FAM107A: variants seen among roughly 807,000 people sequenced by gnomAD.
FAM107A encodes the protein actin-associated protein FAM107A.
A neutral mutation model predicts 13.7 loss-of-function variants in FAM107A; 19 were observed. The observed-to-expected ratio is 1.38, with a 90% CI of 0.97 to 2.03. The LOEUF is 2.03. FAM107A is among the 30% of genes most tolerant of loss of function. The probability of loss-of-function intolerance (pLI) is 0.00; values close to 1 mark genes in which losing one functional copy is unlikely to be tolerated. For synonymous variants in FAM107A, 82 were observed against 74.5 expected (o/e 1.10, Z -0.52); for missense variants, 203 against 184.4 (o/e 1.10, Z -0.58).
At chr3:58,599,997 G>A (rs972613462) in intron 1 of FAM107A, among the ~76,000 whole-genome samples, 20 of 151,804 alleles carry the variant, frequency 1.3e-4, no homozygotes, top group Non-Finnish European at 2.4e-4. Context: ...TTAAATATGC[G>A]TGTTATTCTT....
chr3:58,595,652 CG>C (rs1360609740), intron 1 of FAM107A, among the ~76,000 whole-genome samples: 1 of 152,170 alleles, frequency 6.6e-6, no homozygotes, highest in East Asian at 1.9e-4. Flanking sequence ...ACTCTCTTTT[CG>C]GACTCAGCCC....
chr3:58,581,458 C>T (rs576999957), upstream of FAM107A, among the ~76,000 whole-genome samples: 2 of 152,184 alleles, frequency 1.3e-5, no homozygotes, highest in African/African-American at 2.4e-5. Flanking sequence ...TCTGGGCCCA[C>T]GAACATCAAA....
chr3:58,619,254 G>C (rs143321524), intron 1 of FAM107A, among the ~76,000 whole-genome samples: 1,934 of 152,216 alleles, frequency 0.013, 36 homozygotes, highest in African/African-American at 0.04. Context: ...TCCCTCCTTG[G>C]CCTCCCAAAC....
At chr3:58,595,640 T>C (rs1575449738) in intron 1 of FAM107A, among the ~76,000 whole-genome samples, 1 of 152,210 alleles carries the variant, frequency 6.6e-6, no homozygotes, top group East Asian at 1.9e-4. Flanking sequence ...CACCCTTTGC[T>C]GACTCTCTTT....
At chr3:58,598,950 CT>C (rs1028232844) in intron 1 of FAM107A, among the ~76,000 whole-genome samples, 6 of 151,106 alleles carry the variant, frequency 4.0e-5, no homozygotes, top group Non-Finnish European at 7.4e-5. Flanking sequence ...TTTTCTTTTT[CT>C]TTTTTTTGAG....
chr3:58,614,749 C>T (rs1289418306), intron 1 of FAM107A, among the ~76,000 whole-genome samples: 1 of 152,114 alleles, frequency 6.6e-6, no homozygotes, highest in African/African-American at 2.4e-5. Context: ...AAGTGATCCA[C>T]CCACCTTGGC....
At chr3:58,598,691 C>A (rs1329615201) in intron 1 of FAM107A, among the ~76,000 whole-genome samples, 1 of 152,212 alleles carries the variant, frequency 6.6e-6, no homozygotes, top group Non-Finnish European at 1.5e-5. Flanking sequence ...ACTGTCCCAG[C>A]CATGCCCCAA....
chr3:58,610,345 A>AC (rs2065841566), intron 1 of FAM107A, among the ~76,000 whole-genome samples: 2 of 152,018 alleles, frequency 1.3e-5, no homozygotes, highest in Admixed American at 6.6e-5. Flanking sequence ...CGGACCCCTT[A>AC]CCCCCATCCA....
intron 1 of FAM107A, among the ~76,000 whole-genome samples, chr3:58,595,172 C>T (rs1187391653): frequency 1.3e-5 from 2 of 152,044 alleles, no homozygotes; most frequent in African/African-American, 4.8e-5. Context: ...AGAAACATCG[C>T]CCATTATCTC....
upstream of FAM107A, among the ~76,000 whole-genome samples, chr3:58,587,265 T>G (rs998086883): frequency 3.3e-5 from 5 of 152,322 alleles, no homozygotes; most frequent in African/African-American, 1.2e-4. Context: ...CCACCTACTC[T>G]TCTGCTTTCT....
At chr3:58,615,207 C>T (rs1408675349) in intron 1 of FAM107A, among the ~76,000 whole-genome samples, 1 of 152,218 alleles carries the variant, frequency 6.6e-6, no homozygotes, top group Non-Finnish European at 1.5e-5. Flanking sequence ...TTTTGGCCAT[C>T]TTCAATATCA....
At chr3:58,570,909 T>C (rs2063677294) in intron 1 of FAM107A, among the ~76,000 whole-genome samples, 1 of 152,242 alleles carries the variant, frequency 6.6e-6, no homozygotes, top group Non-Finnish European at 1.5e-5. Flanking sequence ...CCCGGTGGCA[T>C]GTGATTTTCA....
At chr3:58,588,061 G>A (rs190891733), upstream of FAM107A, among the ~76,000 whole-genome samples, 5 of 152,198 alleles carry the variant, frequency 3.3e-5, no homozygotes, top group Admixed American at 6.5e-5. Context: ...TCATTCACTC[G>A]TCACAACAGC....
intron 1 of FAM107A, among the ~76,000 whole-genome samples, chr3:58,603,139 G>A (rs887604756): frequency 5.3e-5 from 8 of 152,140 alleles, no homozygotes; most frequent in African/African-American, 1.9e-4. Flanking sequence ...GGAAATAAAG[G>A]AAGTTGATAA....
chr3:58,569,744 C>T lies in FAM107A; in HGVS notation c.117G>A (p.Lys39=), dbSNP rs148188719. 76 of 1,614,120 alleles carry T rather than the reference C, an allele frequency of 4.7e-5. No homozygotes were observed. The African/African-American group carries it at 8.9e-4, about 19-fold the overall frequency. Residue 39 remains lysine (K), a synonymous_variant, in exon 2 of 4, where the codon AAG becomes AAA. Transcript: ENST00000360997. This position sits in a 1 kb window ranked among gnomAD's most constrained non-coding sequence, Gnocchi z 5.7. The part of the protein sequence containing the change: ...IKPKKLLNPV[K]ASRSHQELHR... ...GGAGCTCCTGGTGACTCCGAGAGGC[C>T]TTCACGGGGTTCAGCAGCTTCTTGG... is the stretch of plus-strand genomic sequence containing the variant.
chr3:58,619,331 A>ACCC (rs2065931957), intron 1 of FAM107A, among the ~76,000 whole-genome samples: 3 of 152,126 alleles, frequency 2.0e-5, no homozygotes, highest in African/African-American at 7.2e-5. Flanking sequence ...AGAGGAGAGG[A>ACCC]TGGCATGGCA....
chr3:58,569,920 C>A lies in FAM107A; in HGVS notation c.-5-55G>T, dbSNP rs1211570706. The A allele has an allele frequency of 6.4e-7, 1 of 1,550,586 alleles. No individual in the cohort carries two copies. The highest frequency in any genetic ancestry group is 1.9e-5 in the Admixed American group (1 of 53,508). On this transcript the variant is annotated intron_variant, in intron 1 of 3. Transcript: ENST00000360997. This position sits in a 1 kb window ranked among gnomAD's most constrained non-coding sequence, Gnocchi z 5.7. ...AGCTGAGCCTATAATCTCACCCTGCCCCATGGGACACAGTTGAAGGGCAAG... is the reference window on the plus strand; with the variant it reads ...AGCTGAGCCTATAATCTCACCCTGCACCATGGGACACAGTTGAAGGGCAAG...
chr3:58,599,669 A>T (rs1484675877), intron 1 of FAM107A, among the ~76,000 whole-genome samples: 1 of 131,366 alleles, frequency 7.6e-6, no homozygotes, highest in Non-Finnish European at 1.6e-5. Context: ...AAAATGTGTT[A>T]AGTGGTATAC....
intron 1 of FAM107A, among the ~76,000 whole-genome samples, chr3:58,623,094 C>A (rs184888403): frequency 6.6e-6 from 1 of 152,194 alleles, no homozygotes; most frequent in Admixed American, 6.5e-5. Context: ...GCAGGCCCAT[C>A]CATCATCGGC....
Sources: gnomAD v4.1 joint callset for allele counts (sites outside exome capture counted in the v4.1 genomes callset) on GRCh38, gnomAD v4.1.1 for gene constraint, Gnocchi (gnomAD v3.1) non-coding constraint, MANE v1.5 for transcripts, NCBI Gene and HGNC (gene_info 2026-07-23, HGNC 2026-07-21) for gene names.